Variants in NAV2 observed in about 807,000 individuals in gnomAD.
NAV2 encodes helicase, APC down-regulated 1.
NAV2 carries 54 observed loss-of-function variants against 223.2 expected under a neutral mutation model. The ratio of observed to expected loss-of-function variants is 0.24; its 90% CI spans 0.19 to 0.30. The LOEUF (loss-of-function observed/expected upper bound fraction) is 0.30, where lower values mean the gene tolerates loss of function less well. NAV2 is among the 10% of genes least tolerant of loss of function. The pLI, the probability that NAV2 is intolerant of heterozygous loss-of-function variation, is 1.00. For synonymous variants in NAV2, 1,279 were observed against 1,239.3 expected (o/e 1.03, Z -0.67); for missense variants, 2,806 against 3,147.5 (o/e 0.89, Z 2.60).
intron 1 of NAV2, among the ~76,000 whole-genome samples, chr11:19,635,868 A>G (rs1170919860): frequency 6.6e-6 from 1 of 152,238 alleles, no homozygotes; most frequent in East Asian, 1.9e-4. Flanking sequence ...AAACCATAGC[A>G]CAGGCCATCT....
intron 1 of NAV2, among the ~76,000 whole-genome samples, chr11:19,795,140 T>TC (rs1196913712): frequency 6.6e-6 from 1 of 152,166 alleles, no homozygotes; most frequent in Non-Finnish European, 1.5e-5. Context: ...CTAACAGTTT[T>TC]CCTGTAAGAC....
intron 6 of NAV2, among the ~76,000 whole-genome samples, chr11:19,905,414 AT>A (rs2042787411): frequency 6.6e-6 from 1 of 152,190 alleles, no homozygotes; most frequent in African/African-American, 2.4e-5. Context: ...CATGCAAATT[AT>A]TTTTTAAAAA....
chr11:19,777,347 G>C (rs1308652829), intron 1 of NAV2: 5 of 328,526 alleles, frequency 1.5e-5, no homozygotes, highest in South Asian at 1.2e-4. Context: ...GGCCGCGGCC[G>C]AGAGGAGACC....
intron 1 of NAV2, among the ~76,000 whole-genome samples, chr11:19,449,164 A>G (rs964285571): frequency 3.3e-5 from 5 of 152,080 alleles, no homozygotes; most frequent in Non-Finnish European, 7.4e-5. Flanking sequence ...CCTGGCCTCC[A>G]GTTTGGGGAG....
intron 10 of NAV2, among the ~76,000 whole-genome samples, chr11:19,955,171 CT>C (rs2047744151): frequency 6.6e-6 from 1 of 151,980 alleles, no homozygotes; most frequent in South Asian, 2.1e-4. Flanking sequence ...CTTTGGGAGG[CT>C]GAGATGGGGG....
At chr11:19,808,392 A>G (rs2058686839) in intron 1 of NAV2, among the ~76,000 whole-genome samples, 2 of 152,244 alleles carry the variant, frequency 1.3e-5, no homozygotes, top group Non-Finnish European at 2.9e-5. Flanking sequence ...GCGGGGTCAC[A>G]AGAGCTAACT....
At chr11:19,990,374 C>T (rs760821541) in intron 11 of NAV2, among the ~76,000 whole-genome samples, 6 of 152,194 alleles carry the variant, frequency 3.9e-5, no homozygotes, top group Non-Finnish European at 7.3e-5. Context: ...ATTCTGCAGT[C>T]ATTCAAAAAC....
intron 3 of NAV2, among the ~76,000 whole-genome samples, chr11:19,863,684 CTTCCTGTGTACACG>C (rs1386684444): frequency 6.6e-6 from 1 of 152,168 alleles, no homozygotes; most frequent in Non-Finnish European, 1.5e-5. Context: ...TTAGGTCTTC[CTTCCTGTGTACACG>C]TTCCCAACAC....
chr11:19,822,576 C>G (rs535613640), intron 1 of NAV2, among the ~76,000 whole-genome samples: 1 of 152,214 alleles, frequency 6.6e-6, no homozygotes, highest in Non-Finnish European at 1.5e-5. Context: ...GTCACTTGCT[C>G]TGTGTGAGTA....
At chr11:19,915,340 C>T in intron 6 of NAV2, among the ~76,000 whole-genome samples, 1 of 152,178 alleles carries the variant, frequency 6.6e-6, no homozygotes, top group East Asian at 1.9e-4. Flanking sequence ...AGGTAAACTT[C>T]CTTCACATAA....
upstream of NAV2, chr11:19,711,302 C>T (rs1414576577): frequency 6.6e-6 from 1 of 152,176 alleles, no homozygotes; most frequent in Admixed American, 6.5e-5. Flanking sequence ...GCTTAAACAA[C>T]AAACATTTAT....
At chr11:19,371,522 G>A (rs1339003654) in intron 1 of NAV2, among the ~76,000 whole-genome samples, 1 of 152,120 alleles carries the variant, frequency 6.6e-6, no homozygotes, top group Admixed American at 6.5e-5. Context: ...TGCTTACCAG[G>A]GATTGTGCTG....
At chr11:19,351,010 C>A (rs1423576030) in exon 1 of NAV2, 1 of 1,551,656 alleles carries the variant, frequency 6.4e-7, no homozygotes, top group Admixed American at 2.0e-5. Context: ...TATCCACGGA[C>A]TGGAAGATCA....
intron 1 of NAV2, among the ~76,000 whole-genome samples, chr11:19,428,990 G>A (rs1307749163): frequency 6.6e-6 from 1 of 152,180 alleles, no homozygotes. Context: ...TTCAAAACTG[G>A]GTACCTCTAA....
intron 36 of NAV2, among the ~76,000 whole-genome samples, chr11:20,110,992 A>C (rs555894806): frequency 3.3e-4 from 50 of 152,268 alleles, no homozygotes; most frequent in African/African-American, 1.2e-3. Context: ...TGCTGTCATC[A>C]GGGGATGAGG....
intron 1 of NAV2, among the ~76,000 whole-genome samples, chr11:19,588,381 G>T (rs1159916157): frequency 6.6e-6 from 1 of 152,202 alleles, no homozygotes; most frequent in Non-Finnish European, 1.5e-5. Context: ...CCCTTAGAGG[G>T]CATCTAGGCC....
chr11:19,416,161 C>A (rs1564919781), intron 1 of NAV2, among the ~76,000 whole-genome samples: 3 of 152,122 alleles, frequency 2.0e-5, no homozygotes, highest in African/African-American at 7.2e-5. Flanking sequence ...AATTGTCTCT[C>A]TTTTCAGATG....
At chr11:19,772,271 T>C (rs2055774498) in intron 1 of NAV2, among the ~76,000 whole-genome samples, 1 of 152,222 alleles carries the variant, frequency 6.6e-6, no homozygotes, top group African/African-American at 2.4e-5. Flanking sequence ...TTCTGGGGTT[T>C]CATTTCCTGC....
Position 20,041,580 on chromosome 11 carries a change from A to G in NAV2, c.2908-2401A>G, listed in dbSNP as rs116420699. ...AGGATGTGGCATGTGCTAAATTTTC[A>G]GTACCTCTTAGAGCATATTAGAATA... On this transcript the variant is annotated intron_variant, in intron 12 of 37. Coordinates refer to ENST00000349880, the MANE Select transcript of NAV2 (RefSeq NM_145117.5). Among the ~76,000 whole-genome samples, 443 of 152,334 alleles carry G rather than the reference A, an allele frequency of 2.9e-3. 1 individual carries two copies. Among genetic ancestry groups the G allele is most frequent in the African/African-American group, 0.01 (424 of 41,574 alleles).
Sources: allele counts gnomAD v4.1 joint callset (sites outside exome capture counted in the v4.1 genomes callset), GRCh38; gene constraint gnomAD v4.1.1; transcripts MANE v1.5; gene names NCBI Gene and HGNC (gene_info 2026-07-23, HGNC 2026-07-21).